The following ZDHHC13 variants were observed in gnomAD, a reference collection of about 807,000 sequenced individuals.
The protein encoded by ZDHHC13 is zDHHC palmitoyltransferase 13.
A neutral mutation model predicts 86.0 loss-of-function variants in ZDHHC13; 85 were observed. The ratio of observed to expected loss-of-function variants is 0.99; its 90% confidence interval spans 0.83 to 1.18. ZDHHC13 has a LOEUF of 1.18. Ranked by LOEUF, ZDHHC13 falls within the 50% of genes most tolerant of loss-of-function variation. The pLI, the probability that ZDHHC13 is intolerant of heterozygous loss-of-function variation, is 0.00. For synonymous variants in ZDHHC13, 263 were observed against 246.4 expected, an observed-to-expected ratio of 1.07 and a Z score of -0.63; for missense variants, 711 against 730.2, an observed-to-expected ratio of 0.97 and a Z score of 0.30.
intron 11 of ZDHHC13, 122 bp downstream of exon 11, chr11:19,163,549 C>A: frequency 9.7e-7 from 1 of 1,030,082 alleles, no homozygotes; most frequent in Non-Finnish European, 1.3e-6. Flanking sequence ...GGTGATATAG[C>A]AAAAATTAGA....
chr11:19,133,942 T>TATATATATATACACAC, intron 1 of ZDHHC13, among the ~76,000 whole-genome samples: 12 of 96,078 alleles, frequency 1.2e-4, no homozygotes, highest in Non-Finnish European at 2.5e-4. Context: ...TATATATATA[T>TATATATATATACACAC]ACACGTATGT....
intron 2 of ZDHHC13, among the ~76,000 whole-genome samples, chr11:19,144,432 A>AGTGT (rs142248923): frequency 0.023 from 3,270 of 143,138 alleles, 55 homozygotes; most frequent in Middle Eastern, 0.071. Context: ...AGAGCTATGG[A>AGTGT]GTGTGTGTGT....
At chr11:19,175,382 TCC>T (rs1850333165) in intron 16 of ZDHHC13, among the ~76,000 whole-genome samples, 1 of 20,736 alleles carries the variant, frequency 4.8e-5, no homozygotes, top group Non-Finnish European at 1.1e-4. Flanking sequence ...AGAGCGAGAC[TCC>T]GTCTCAAAAA....
chr11:19,130,891 G>C (rs1848984639), intron 1 of ZDHHC13, among the ~76,000 whole-genome samples: 1 of 151,776 alleles, frequency 6.6e-6, no homozygotes, highest in African/African-American at 2.4e-5. Flanking sequence ...TGTCGCCCAG[G>C]CTGGAGTACA....
chr11:19,172,602 C>G (rs1431809332), intron 15 of ZDHHC13, 121 bp from the exon 16 acceptor site: 4 of 653,576 alleles, frequency 6.1e-6, no homozygotes, highest in Non-Finnish European at 9.4e-6. Context: ...TGTCCCTTTT[C>G]AAGGAGATAC....
chr11:19,138,853 A>T (rs987174363), intron 1 of ZDHHC13, among the ~76,000 whole-genome samples: 2 of 152,142 alleles, frequency 1.3e-5, no homozygotes, highest in Non-Finnish European at 2.9e-5. Flanking sequence ...GCCTTTGAGA[A>T]AATTCAACAA....
intron 4 of ZDHHC13, 125 bp downstream of exon 4, chr11:19,147,798 A>C: frequency 3.2e-6 from 2 of 617,608 alleles, no homozygotes; most frequent in East Asian, 3.1e-5. Flanking sequence ...TTTAAAAATA[A>C]ATTTCAGCTT....
chr11:19,121,458 C>T (rs1425699911), intron 1 of ZDHHC13, among the ~76,000 whole-genome samples: 2 of 152,294 alleles, frequency 1.3e-5, no homozygotes, highest in Middle Eastern at 3.4e-3. Context: ...GTGCCCAGCA[C>T]GTAGTAGGCA....
intron 1 of ZDHHC13, among the ~76,000 whole-genome samples, chr11:19,138,186 A>T (rs1849201849): frequency 6.6e-6 from 1 of 151,174 alleles, no homozygotes; most frequent in African/African-American, 2.4e-5. Context: ...AAAGAAAAAA[A>T]GAGAGAAGAA....
chr11:19,147,574 C>T, intron 3 of ZDHHC13, 22 bp from the exon 4 acceptor site: 1 of 1,565,248 alleles, frequency 6.4e-7, no homozygotes, highest in East Asian at 2.3e-5. Context: ...ATCTTACTTT[C>T]ATTTGTGTCT....
intron 15 of ZDHHC13, among the ~76,000 whole-genome samples, chr11:19,172,005 G>A (rs190868675): frequency 3.3e-5 from 5 of 152,300 alleles, no homozygotes; most frequent in African/African-American, 1.2e-4. Context: ...ACTCTAAGCT[G>A]TGTGGCTTTG....
rs761440635 is a variant in ZDHHC13 at position 19,170,569 on chromosome 11, G to A, written c.1632+1G>A. 3 of 1,515,776 alleles carry A rather than the reference G, an allele frequency of 2.0e-6. No individual in the cohort carries two copies. The highest frequency in any genetic ancestry group is 1.3e-5 in the South Asian group (1 of 77,118). 93.9% of individuals were successfully genotyped at this position (1,515,776 alleles called of 1,614,324 possible). On this transcript the variant is annotated splice_donor_variant, in intron 15 of 16. Coordinates refer to ENST00000446113, the MANE Select transcript of ZDHHC13 (RefSeq NM_019028.3). LOFTEE classifies it high-confidence loss of function. ...TTTATTATTAAATCAACTCTTTCAG[G>A]TATTTATTTCTCTTCTTATAATGGC...
intron 1 of ZDHHC13, among the ~76,000 whole-genome samples, chr11:19,131,564 A>G (rs1309290016): frequency 6.6e-6 from 1 of 152,010 alleles, no homozygotes. Flanking sequence ...CTTCAATTTA[A>G]ATGGTCTCTT....
At chr11:19,134,918 G>A (rs12364245) in intron 1 of ZDHHC13, among the ~76,000 whole-genome samples, 2 of 152,176 alleles carry the variant, frequency 1.3e-5, no homozygotes, top group East Asian at 3.9e-4. Flanking sequence ...GGTAGTCTCA[G>A]CTACTTAGGA....
rs977346042 is a variant in ZDHHC13, at chr11:19,117,503, C to A, written c.27+227C>A. On this transcript the variant is annotated intron_variant, in intron 1 of 16. Transcript: ENST00000446113. This position sits in a 1 kb window ranked among gnomAD's most constrained non-coding sequence, Gnocchi z 4.2. ...TGAGGGGTGAGGGCCCGAGCCGGCC[C>A]CTCCAGCCTCCATCCCTGGCCAGGG... is the stretch of plus-strand genomic sequence containing the variant. Among the ~76,000 whole-genome samples the A allele has an allele frequency of 5.3e-5, 8 of 152,104 alleles. No homozygotes were observed. The highest frequency in any genetic ancestry group is 1.9e-4 in the African/African-American group (8 of 41,418).
At chr11:19,158,155 A>C (rs1302594476) in intron 9 of ZDHHC13, among the ~76,000 whole-genome samples, 1 of 152,110 alleles carries the variant, frequency 6.6e-6, no homozygotes, top group Admixed American at 6.6e-5. Flanking sequence ...ACTTACCATT[A>C]TTATGGTTAT....
chr11:19,146,499 G>T (rs1365855624), intron 3 of ZDHHC13, among the ~76,000 whole-genome samples, 196 bp downstream of exon 3: 1 of 152,030 alleles, frequency 6.6e-6, no homozygotes, highest in East Asian at 1.9e-4. Flanking sequence ...GATCCAAAAG[G>T]GAAAATTAGA....
chr11:19,172,909 T>C, intron 16 of ZDHHC13, 89 bp downstream of exon 16: 1 of 1,202,296 alleles, frequency 8.3e-7, no homozygotes, highest in East Asian at 2.6e-5. Context: ...ATGGCCATGC[T>C]GCTGTTCTGT....
chr11:19,157,796 A>G (rs141247186), intron 9 of ZDHHC13, among the ~76,000 whole-genome samples: 7 of 152,366 alleles, frequency 4.6e-5, no homozygotes, highest in African/African-American at 1.7e-4. Flanking sequence ...GACGCAATTC[A>G]AATGTGAGTC....
Sources: allele counts gnomAD v4.1 joint callset (sites outside exome capture counted in the v4.1 genomes callset), GRCh38; gene constraint gnomAD v4.1.1; non-coding constraint Gnocchi (gnomAD v3.1); transcripts MANE v1.5; gene names NCBI Gene and HGNC (gene_info 2026-07-23, HGNC 2026-07-21).